GPC6: variants seen among roughly 807,000 people sequenced by gnomAD.
The protein encoded by GPC6 is glypican 6.
GPC6 carries 14 observed loss-of-function variants against 55.2 expected under a neutral mutation model. That is an observed-to-expected ratio of 0.25 (90% CI 0.17 to 0.40). The LOEUF (loss-of-function observed/expected upper bound fraction) is 0.40. Among genes scored for constraint, GPC6 ranks in the 10% least tolerant of loss-of-function variants. The pLI is 1.00. For synonymous variants in GPC6, 278 were observed against 259.6 expected, an observed-to-expected ratio of 1.07 and a Z score of -0.68; for missense variants, 641 against 708.5, an observed-to-expected ratio of 0.90 and a Z score of 1.08.
At chr13:93,612,573 T>G (rs967753110) in intron 2 of GPC6, among the ~76,000 whole-genome samples, 3 of 150,092 alleles carry the variant, frequency 2.0e-5, no homozygotes, top group Admixed American at 6.6e-5. Context: ...GCAGTTTTGG[T>G]TAGAATTCTA....
chr13:93,566,532 T>G (rs558209851), intron 2 of GPC6, among the ~76,000 whole-genome samples: 93 of 105,016 alleles, frequency 8.9e-4, no homozygotes, highest in African/African-American at 2.5e-3. Context: ...GGAGAAAGTT[T>G]TTTTTTTTTT....
chr13:93,397,387 A>C (rs1237567331), intron 1 of GPC6, among the ~76,000 whole-genome samples: 4 of 152,130 alleles, frequency 2.6e-5, no homozygotes, highest in Non-Finnish European at 5.9e-5. Flanking sequence ...TTTTATTTAG[A>C]TTTCCCTAAT....
intron 3 of GPC6, among the ~76,000 whole-genome samples, chr13:93,998,589 T>C (rs1236489829): frequency 1.3e-5 from 2 of 152,184 alleles, no homozygotes; most frequent in Non-Finnish European, 2.9e-5. Context: ...GATTGAGAGC[T>C]AGAAATAAAA....
At chr13:93,866,192 C>T (rs779522631) in intron 3 of GPC6, among the ~76,000 whole-genome samples, 6 of 151,614 alleles carry the variant, frequency 4.0e-5, no homozygotes, top group Non-Finnish European at 8.9e-5. Context: ...ATGTTATTTA[C>T]AGCCAACAAC....
intron 4 of GPC6, among the ~76,000 whole-genome samples, chr13:94,262,285 G>C (rs1355500101): frequency 1.3e-5 from 2 of 152,054 alleles, no homozygotes; most frequent in Admixed American, 1.3e-4. Context: ...TGATGCCAGG[G>C]GTCCACAGGC....
At chr13:93,804,801 C>T (rs1290070672) in intron 2 of GPC6, among the ~76,000 whole-genome samples, 1 of 152,280 alleles carries the variant, frequency 6.6e-6, no homozygotes, top group African/African-American at 2.4e-5. Context: ...GAACTCCAGT[C>T]CAGTTTGGGC....
chr13:94,342,248 G>A (rs1878077133), intron 6 of GPC6, among the ~76,000 whole-genome samples: 1 of 152,176 alleles, frequency 6.6e-6, no homozygotes, highest in South Asian at 2.1e-4. Context: ...AAGATATGTC[G>A]AAGTCCTAAC....
intron 3 of GPC6, among the ~76,000 whole-genome samples, chr13:93,928,633 C>G (rs779878444): frequency 3.0e-4 from 45 of 152,106 alleles, no homozygotes; most frequent in Non-Finnish European, 5.1e-4. Flanking sequence ...TGGCCCAAAA[C>G]AGTGCATTTT....
intron 3 of GPC6, among the ~76,000 whole-genome samples, chr13:93,994,568 G>A (rs1029123901): frequency 7.9e-5 from 12 of 152,126 alleles, no homozygotes; most frequent in Non-Finnish European, 1.3e-4. Context: ...CTTTAAGGCA[G>A]AGGAGATGGA....
At position 93,452,899 on chromosome 13, in the gene GPC6, G is replaced by T. The variant is rs141801577; in HGVS notation, c.161-92364G>T. Among the ~76,000 whole-genome samples the T allele has an allele frequency of 4.9e-3, 750 of 152,166 alleles. 5 individuals carry two copies. The highest frequency in any genetic ancestry group is 0.031 in the Middle Eastern group (9 of 294). ...GATGGTTTCCTAATCCAAAACTCTT[G>T]CCATTTATGTCACTGGTTCATTTCC... On this transcript the variant is annotated intron_variant, in intron 1 of 8. Transcript: ENST00000377047.
chr13:93,736,236 T>G (rs564168632), intron 2 of GPC6, among the ~76,000 whole-genome samples: 1 of 152,290 alleles, frequency 6.6e-6, no homozygotes, highest in African/African-American at 2.4e-5. Flanking sequence ...TAGAGATGTA[T>G]GTGAGGAATT....
intron 1 of GPC6, among the ~76,000 whole-genome samples, chr13:93,243,923 G>C (rs1246872303): frequency 6.6e-6 from 1 of 152,094 alleles, no homozygotes; most frequent in African/African-American, 2.4e-5. Flanking sequence ...GTGTTATTCA[G>C]GGGAAGCACT....
chr13:94,403,250 T>G lies in GPC6; in HGVS notation c.*33T>G, dbSNP rs1159812608. 1 of 1,455,616 alleles carries G rather than the reference T, an allele frequency of 6.9e-7. No individual in the cohort carries two copies. Among genetic ancestry groups the G allele is most frequent in the South Asian group, 1.1e-5 (1 of 87,418 alleles). The allele number at this position is 1,455,616 out of a possible 1,614,324, so 90.2% of individuals were successfully genotyped here. ...TTTTTGGTCAGATGAAACTGCATTT[T>G]AGCTATCTGAATGGCCAACTCACTT... On this transcript the variant is annotated 3_prime_UTR_variant, in exon 9 of 9. Coordinates refer to ENST00000377047, the MANE Select transcript of GPC6 (RefSeq NM_005708.5).
At chr13:93,996,890 A>G (rs2140420617) in intron 3 of GPC6, among the ~76,000 whole-genome samples, 1 of 152,308 alleles carries the variant, frequency 6.6e-6, no homozygotes, top group Non-Finnish European at 1.5e-5. Flanking sequence ...AAATTAGAAG[A>G]AAATAACCTG....
chr13:93,268,541 G>A (rs182750983), intron 1 of GPC6, among the ~76,000 whole-genome samples: 19 of 152,118 alleles, frequency 1.2e-4, no homozygotes, highest in African/African-American at 4.3e-4. Context: ...GAAGAGAGTC[G>A]ATGGAGCCTT....
At chr13:93,454,173 G>GTGTTT (rs112796825) in intron 1 of GPC6, among the ~76,000 whole-genome samples, 31,245 of 149,316 alleles carry the variant, frequency 0.21, 3,268 homozygotes, top group Middle Eastern at 0.27. Flanking sequence ...GCTGATTGGT[G>GTGTTT]TGTTTACAAA....
chr13:94,371,308 A>C (rs1430019977), intron 6 of GPC6, among the ~76,000 whole-genome samples: 2 of 152,170 alleles, frequency 1.3e-5, no homozygotes, highest in Non-Finnish European at 2.9e-5. Flanking sequence ...ATCACATTGA[A>C]TCTCTTGCAC....
At chr13:93,847,697 T>C (rs1888237543) in intron 3 of GPC6, among the ~76,000 whole-genome samples, 1 of 152,170 alleles carries the variant, frequency 6.6e-6, no homozygotes, top group African/African-American at 2.4e-5. Context: ...ATTAGGTGGG[T>C]CATATTTAAT....
At chr13:93,443,293 A>G (rs1235492395) in intron 1 of GPC6, among the ~76,000 whole-genome samples, 5 of 152,226 alleles carry the variant, frequency 3.3e-5, no homozygotes, top group African/African-American at 9.6e-5. Flanking sequence ...ACCAATTCTT[A>G]TGAATAAATT....
Sources: allele counts gnomAD v4.1 joint callset (sites outside exome capture counted in the v4.1 genomes callset), GRCh38; gene constraint gnomAD v4.1.1; transcripts MANE v1.5; gene names NCBI Gene and HGNC (gene_info 2026-07-23, HGNC 2026-07-21).